SFI1: variants seen among roughly 807,000 people sequenced by gnomAD.
SFI1 encodes the protein protein SFI1 homolog.
Under a neutral mutation model 207.5 loss-of-function variants are expected in SFI1, and 195 were observed. The ratio of observed to expected loss-of-function variants is 0.94; its 90% CI spans 0.84 to 1.06. The LOEUF is 1.06. Ranked by LOEUF, SFI1 falls within the 50% of genes least tolerant of loss-of-function variation. The pLI is 0.00. For missense variants in SFI1, 1,634 were observed against 1,588.0 expected (o/e 1.03, Z -0.49); for synonymous variants, 630 against 598.9 (o/e 1.05, Z -0.76).
intron 29 of SFI1, chr22:31,615,547 T>C: frequency 2.6e-6 from 1 of 380,138 alleles, no homozygotes. Context: ...GTAAAGTGGC[T>C]GCAGATCACG....
rs1345717826 is a variant in SFI1, at chr22:31,553,836, ATGTT to A, written c.545-3104_545-3101del. On this transcript the variant is annotated intron_variant, in intron 6 of 32. Transcript: ENST00000400288. ...CCATTCTATTTTTTTTTAATGGATT[ATGTT>A]TTTTTTTTTTTTTTTTTTTTTTTTT... Among the ~76,000 whole-genome samples the A allele has an allele frequency of 9.9e-3, 217 of 21,962 alleles. 1 individual carries two copies. The highest frequency in any genetic ancestry group is 0.02 in the Non-Finnish European group (189 of 9,638). The allele number at this position is 21,962 out of a possible 152,430, so 14.4% of individuals were successfully genotyped here.
chr22:31,548,643 CAAA>C (rs763681575), intron 5 of SFI1, among the ~76,000 whole-genome samples: 4 of 106,456 alleles, frequency 3.8e-5, no homozygotes, highest in Admixed American at 9.9e-5. Context: ...ACTCCGTCTC[CAAA>C]AAAAAAAAAA....
intron 14 of SFI1, among the ~76,000 whole-genome samples, 172 bp from the exon 15 acceptor site, chr22:31,589,271 TTACC>T (rs1444977895): frequency 2.6e-5 from 4 of 152,054 alleles, no homozygotes; most frequent in African/African-American, 9.7e-5. Context: ...GAAAATTTTT[TTACC>T]TATCCTATTT....
rs1227870951 is a variant in SFI1 at position 31,610,935 on chromosome 22, C to A, written c.2255-208C>A. Reference sequence around the variant, plus strand: ...AGCACAACAGTAAACAGATCTGGTTCCAGTCCCCGGGGGGTTCACTGTTGG... The same window carrying A: ...AGCACAACAGTAAACAGATCTGGTTACAGTCCCCGGGGGGTTCACTGTTGG... On this transcript the variant is annotated intron_variant, in intron 22 of 32. Transcript: ENST00000400288. Among the ~76,000 whole-genome samples, 6 of 152,198 alleles carry A rather than the reference C, an allele frequency of 3.9e-5. No individual in the cohort carries two copies. The South Asian group carries it at 1.2e-3, about 32-fold the overall frequency.
chr22:31,509,274 TG>T (rs1364804855), intron 2 of SFI1, among the ~76,000 whole-genome samples: 1 of 152,170 alleles, frequency 6.6e-6, no homozygotes, highest in Non-Finnish European at 1.5e-5. Flanking sequence ...TGAAGTCCCG[TG>T]ATAGGCAGTC....
chr22:31,528,892 G>A (rs2058196532), intron 3 of SFI1, 29 bp downstream of exon 3: 5 of 1,583,206 alleles, frequency 3.2e-6, no homozygotes, highest in Non-Finnish European at 3.4e-6. Flanking sequence ...ACCAGTCTAT[G>A]GGTACTTTGC....
intron 29 of SFI1, 79 bp downstream of exon 29, chr22:31,615,358 G>A: frequency 7.7e-7 from 1 of 1,294,328 alleles, no homozygotes; most frequent in Non-Finnish European, 1.0e-6. Flanking sequence ...TGCCACAGCT[G>A]TACTAGTTTC....
chr22:31,571,468 A>T (rs1189571919), intron 8 of SFI1, among the ~76,000 whole-genome samples: 2 of 148,254 alleles, frequency 1.3e-5, no homozygotes, highest in African/African-American at 2.5e-5. Flanking sequence ...ACACACCACC[A>T]TGCCTGGCTA....
In SFI1 at chr22:31,613,548, TC is replaced by T. The variant is rs1346531595; in HGVS notation, c.2742+20del. 3.2e-6 allele frequency: 5 copies of T among 1,581,166 alleles called. No individual in the cohort carries two copies. Among genetic ancestry groups the T allele is most frequent in the Non-Finnish European group, 4.3e-6 (5 of 1,164,460 alleles). On this transcript the variant is annotated intron_variant, in intron 26 of 32. Coordinates refer to ENST00000400288, the MANE Select transcript of SFI1 (RefSeq NM_001007467.3). ...AGGTCCAGGTAGGCCCAGGGCCCCT[TC>T]CTGTGGGGAGCAGGCAGGGTGTGGC...
intron 14 of SFI1, 132 bp from the exon 15 acceptor site, chr22:31,589,312 GATA>G (rs1457086282): frequency 3.2e-6 from 3 of 952,166 alleles, no homozygotes. Context: ...TATTGGCAAA[GATA>G]ATAAATAATG....
chr22:31,506,074 G>C (rs999065747), intron 1 of SFI1, among the ~76,000 whole-genome samples: 2 of 148,594 alleles, frequency 1.3e-5, no homozygotes, highest in Non-Finnish European at 3.0e-5. Flanking sequence ...TTCTGAGACA[G>C]AGTCTTGCTC....
chr22:31,602,789 A>C lies in SFI1; in HGVS notation c.1805+4A>C, dbSNP rs748373172. 6.2e-7 allele frequency: 1 copy of C among 1,612,464 alleles called. No individual in the cohort carries two copies. The highest frequency in any genetic ancestry group is 8.5e-7 in the Non-Finnish European group (1 of 1,179,550). On this transcript the variant is annotated splice_donor_region_variant and intron_variant, in intron 17 of 32. Coordinates refer to ENST00000400288, the MANE Select transcript of SFI1 (RefSeq NM_001007467.3). Reference sequence around the variant, plus strand: ...GTGCCCAAGGGCTCAGAACAGAGTGAGTGGCCAGTTCTGCCTTACAAGCCT... The same window carrying C: ...GTGCCCAAGGGCTCAGAACAGAGTGCGTGGCCAGTTCTGCCTTACAAGCCT...
At chr22:31,559,457 TAC>T in intron 7 of SFI1, 1 of 440,272 alleles carries the variant, frequency 2.3e-6, no homozygotes, top group Non-Finnish European at 4.3e-6. Context: ...GCGGGAGGCC[TAC>T]ACACCGCCAG....
At chr22:31,553,065 AC>A (rs1009510234) in intron 6 of SFI1, among the ~76,000 whole-genome samples, 1 of 152,026 alleles carries the variant, frequency 6.6e-6, no homozygotes, top group African/African-American at 2.4e-5. Context: ...CTGGTCTTGG[AC>A]CCCTGGGCTC....
At position 31,602,298 on chromosome 22, in the gene SFI1, A is replaced by G; in HGVS notation, c.1626+5A>G. On this transcript the variant is annotated splice_donor_5th_base_variant and intron_variant, in intron 16 of 32. Coordinates refer to ENST00000400288, the MANE Select transcript of SFI1 (RefSeq NM_001007467.3). ...AACCGCCTGGCAGAGAGAATGGTAA[A>G]TGGCTGTCCCTGAGGAGATGTGTGG... 1 of 1,613,132 alleles carries G rather than the reference A, an allele frequency of 6.2e-7. No individual in the cohort carries two copies.
intron 2 of SFI1, among the ~76,000 whole-genome samples, chr22:31,514,701 G>T (rs542095016): frequency 6.6e-6 from 1 of 151,306 alleles, no homozygotes; most frequent in South Asian, 2.1e-4. Context: ...GTCTTTGTGT[G>T]TTTGGAGTAT....
intron 10 of SFI1, among the ~76,000 whole-genome samples, chr22:31,575,617 A>T (rs975278416): frequency 6.6e-6 from 1 of 152,226 alleles, no homozygotes; most frequent in East Asian, 1.9e-4. Flanking sequence ...TATATATCTT[A>T]TCACCCAACT....
intron 2 of SFI1, among the ~76,000 whole-genome samples, chr22:31,521,763 C>G (rs2057295338): frequency 6.6e-6 from 1 of 151,876 alleles, no homozygotes; most frequent in African/African-American, 2.4e-5. Context: ...TTTATTTTAA[C>G]CTTTTTTTTT....
chr22:31,580,628 C>T (rs1194138309), intron 12 of SFI1, among the ~76,000 whole-genome samples: 2 of 150,974 alleles, frequency 1.3e-5, no homozygotes, highest in South Asian at 2.1e-4. Flanking sequence ...CTGCAACCTC[C>T]GCCTCCCGGG....
Sources: gnomAD v4.1 joint callset for allele counts (sites outside exome capture counted in the v4.1 genomes callset) on GRCh38, gnomAD v4.1.1 for gene constraint, MANE v1.5 for transcripts, NCBI Gene and HGNC (gene_info 2026-07-23, HGNC 2026-07-21) for gene names.